The following XRCC4 variants were observed in gnomAD, a reference collection of about 807,000 sequenced individuals.
XRCC4 encodes X-ray repair cross complementing 4.
XRCC4 carries 28 observed loss-of-function variants against 39.1 expected under a neutral mutation model. The ratio of observed to expected loss-of-function variants is 0.72; its 90% CI spans 0.53 to 0.98. The LOEUF is 0.98. XRCC4 is among the 50% of genes least tolerant of loss of function. The pLI is 0.00. For synonymous variants in XRCC4, 123 were observed against 126.4 expected, an observed-to-expected ratio of 0.97 and a Z score of 0.18; for missense variants, 350 against 376.4, an observed-to-expected ratio of 0.93 and a Z score of 0.58.
chr5:83,253,493 T>C (rs1381393846), intron 6 of XRCC4, among the ~76,000 whole-genome samples: 1 of 136,204 alleles, frequency 7.3e-6, no homozygotes, highest in East Asian at 2.0e-4. Flanking sequence ...TTGGGGTGTA[T>C]GTTTGTGTGT....
At chr5:83,347,144 A>G (rs1756940001) in intron 7 of XRCC4, among the ~76,000 whole-genome samples, 1 of 152,024 alleles carries the variant, frequency 6.6e-6, no homozygotes, top group Admixed American at 6.5e-5. Flanking sequence ...GTAGATCTAA[A>G]TTTTTCAACA....
chr5:83,118,078 ATATG>A (rs1341477883), intron 3 of XRCC4, among the ~76,000 whole-genome samples: 79 of 42,868 alleles, frequency 1.8e-3, no homozygotes, highest in African/African-American at 0.012. Context: ...ACACACACAC[ATATG>A]TATATAGTGA....
intron 3 of XRCC4, among the ~76,000 whole-genome samples, chr5:83,160,772 C>T (rs1231278854): frequency 6.6e-6 from 1 of 152,126 alleles, no homozygotes; most frequent in Non-Finnish European, 1.5e-5. Flanking sequence ...ACAAGTACCA[C>T]CTCAGTGCCG....
chr5:83,100,125 C>T (rs1381704062), intron 1 of XRCC4, among the ~76,000 whole-genome samples: 1 of 152,082 alleles, frequency 6.6e-6, no homozygotes, highest in Non-Finnish European at 1.5e-5. Flanking sequence ...ACTGCTGAGG[C>T]ACAAACAAGT....
At chr5:83,365,130 C>G in the XRCC4 span, among the ~76,000 whole-genome samples, 2 of 152,152 alleles carry the variant, frequency 1.3e-5, no homozygotes, top group Admixed American at 6.5e-5. Flanking sequence ...TCCGTTACCT[C>G]AGGAAACACC....
rs146729911 is a variant in XRCC4 at position 83,274,957 on chromosome 5, A to T, written c.893+16280A>T. On this transcript the variant is annotated intron_variant, in intron 7 of 7. Transcript: ENST00000396027. ...AAAATGGATTTGGAAGTAAGGAGTT[A>T]TCACTGTGTGGAAAATGGATTTGGA... 3.9e-5 allele frequency among the ~76,000 whole-genome samples: 6 copies of T among 152,332 alleles called. No individual in the cohort carries two copies. The East Asian group carries it at 1.2e-3, about 29-fold the overall frequency.
intron 3 of XRCC4, among the ~76,000 whole-genome samples, chr5:83,132,392 A>G (rs949979184): frequency 1.3e-5 from 2 of 151,536 alleles, no homozygotes; most frequent in Admixed American, 1.3e-4. Flanking sequence ...TATCTTTGTG[A>G]CGTTGTCTGT....
At chr5:83,128,423 G>A (rs937989152) in intron 3 of XRCC4, among the ~76,000 whole-genome samples, 57 of 152,154 alleles carry the variant, frequency 3.7e-4, no homozygotes, top group Admixed American at 2.0e-3. Context: ...GAATAATGCC[G>A]CAATAAACAT....
intron 7 of XRCC4, among the ~76,000 whole-genome samples, chr5:83,268,126 A>G (rs1481566440): frequency 6.6e-6 from 1 of 152,180 alleles, no homozygotes; most frequent in Non-Finnish European, 1.5e-5. Context: ...ATCCAGGAAG[A>G]GTTACCTGAA....
intron 1 of XRCC4, among the ~76,000 whole-genome samples, chr5:83,103,345 A>G (rs937435870): frequency 2.0e-5 from 3 of 152,084 alleles, no homozygotes. Flanking sequence ...TCTAACTTTC[A>G]GTATTACATT....
chr5:83,363,650 C>T, the XRCC4 span, among the ~76,000 whole-genome samples: 7 of 152,270 alleles, frequency 4.6e-5, no homozygotes, highest in East Asian at 3.9e-4. Context: ...GGCAGAGTGA[C>T]GCCTAACCTG....
At chr5:83,165,887 CTTTTT>C (rs34887034) in intron 3 of XRCC4, among the ~76,000 whole-genome samples, 2 of 125,838 alleles carry the variant, frequency 1.6e-5, no homozygotes, top group African/African-American at 3.1e-5. Context: ...TTTTTTCTTT[CTTTTT>C]TTTTTTTTTT....
intron 7 of XRCC4, among the ~76,000 whole-genome samples, chr5:83,262,635 GAATT>G (rs1301728988): frequency 2.0e-5 from 3 of 152,060 alleles, no homozygotes; most frequent in East Asian, 1.9e-4. Context: ...GCTTTATAAT[GAATT>G]GTTTTATTAA....
intron 7 of XRCC4, among the ~76,000 whole-genome samples, chr5:83,320,984 T>C (rs1396921446): frequency 1.3e-5 from 2 of 151,856 alleles, no homozygotes; most frequent in Admixed American, 6.6e-5. Flanking sequence ...CTAATTTTTG[T>C]AGTTTTAGTA....
At chr5:83,117,873 A>G (rs1746810258) in intron 3 of XRCC4, among the ~76,000 whole-genome samples, 1 of 151,568 alleles carries the variant, frequency 6.6e-6, no homozygotes, top group African/African-American at 2.4e-5. Flanking sequence ...TGCATTAACT[A>G]TTTTTCCTGG....
intron 3 of XRCC4, among the ~76,000 whole-genome samples, chr5:83,190,041 G>A (rs1173788082): frequency 2.6e-5 from 4 of 152,188 alleles, no homozygotes; most frequent in Non-Finnish European, 4.4e-5. Context: ...TCCAGCCTGC[G>A]TGACAGAGCG....
chr5:83,186,940 C>CTTTTTTTTTTTTTTT (rs1750468282), intron 3 of XRCC4, among the ~76,000 whole-genome samples: 2 of 96,824 alleles, frequency 2.1e-5, no homozygotes, highest in African/African-American at 1.1e-4. Context: ...CTGCTTCTTC[C>CTTTTTTTTTTTTTTT]ATTTTTTTTT....
intron 7 of XRCC4, among the ~76,000 whole-genome samples, chr5:83,269,617 GA>G (rs1754069161): frequency 7.3e-6 from 1 of 136,326 alleles, no homozygotes; most frequent in East Asian, 7.3e-4. Flanking sequence ...AGTAAAAATA[GA>G]CAGTTACAAA....
At chr5:83,242,710 C>G (rs554500543) in intron 6 of XRCC4, among the ~76,000 whole-genome samples, 24 of 152,312 alleles carry the variant, frequency 1.6e-4, no homozygotes, top group Non-Finnish European at 2.5e-4. Context: ...AACCTCCCAT[C>G]ACCGAGGCCC....
Sources: allele counts gnomAD v4.1 joint callset (sites outside exome capture counted in the v4.1 genomes callset), GRCh38; gene constraint gnomAD v4.1.1; transcripts MANE v1.5; gene names NCBI Gene and HGNC (gene_info 2026-07-23, HGNC 2026-07-21).